WNT2B: variants seen among roughly 807,000 people sequenced by gnomAD.
WNT2B encodes the protein Wnt family member 2B.
Under a neutral mutation model 40.5 loss-of-function variants are expected in WNT2B, and 19 were observed. That is an observed-to-expected ratio of 0.47 (90% CI 0.33 to 0.69). The LOEUF (loss-of-function observed/expected upper bound fraction) is 0.69. Ranked by LOEUF, WNT2B falls within the 30% of genes least tolerant of loss-of-function variation. The pLI is 0.02. For synonymous variants in WNT2B, 220 were observed against 211.9 expected, an observed-to-expected ratio of 1.04 and a Z score of -0.33; for missense variants, 467 against 556.4, an observed-to-expected ratio of 0.84 and a Z score of 1.62.
Position 112,517,185 on chromosome 1 carries a change from G to T in WNT2B, c.746G>T (p.Arg249Leu), listed in dbSNP as rs1311791858. 1 of 1,614,200 alleles carries T rather than the reference G, an allele frequency of 6.2e-7. No homozygotes were observed. Residue 249 changes from arginine to leucine, a missense_variant, in exon 4 of 5, where the codon CGC becomes CTC. Around this residue, in one of 2 missense-constraint regions of WNT2B, gnomAD observed 330 missense variants for 438.6 expected, o/e 0.75. Coordinates refer to ENST00000369684, the MANE Select transcript of WNT2B (RefSeq NM_024494.3). ...GGCGTGAGTGGTTCCTGTACTCTGC[G>T]CACCTGCTGGCGTGCACTCTCAGAT... ...CHGVSGSCTL[R>L]TCWRALSDFR... is the part of the protein sequence containing the mutation.
intron 1 of WNT2B, among the ~76,000 whole-genome samples, chr1:112,476,931 G>A (rs1414873500): frequency 6.6e-6 from 1 of 152,158 alleles, no homozygotes; most frequent in African/African-American, 2.4e-5. Flanking sequence ...ACTGCCATGG[G>A]CACACCTGTA....
At chr1:112,507,705 A>T (rs1342268107), upstream of WNT2B, among the ~76,000 whole-genome samples, 1 of 152,166 alleles carries the variant, frequency 6.6e-6, no homozygotes, top group African/African-American at 2.4e-5. Flanking sequence ...GTGAATTTGG[A>T]GTTGGGGGCA....
At chr1:112,467,168 G>C in exon 1 of WNT2B, 1 of 253,988 alleles carries the variant, frequency 3.9e-6, no homozygotes, top group East Asian at 1.0e-4. Context: ...AATGAGGATA[G>C]CATATACAGT....
chr1:112,487,879 A>G (rs1651465622), intron 1 of WNT2B, among the ~76,000 whole-genome samples: 1 of 144,292 alleles, frequency 6.9e-6, no homozygotes, highest in Non-Finnish European at 1.5e-5. Flanking sequence ...GGTTGCAATG[A>G]GCCGAGATTG....
chr1:112,517,221 C>T lies in WNT2B; in HGVS notation c.782C>T (p.Thr261Ile). Residue 261 changes from threonine (T) to isoleucine (I), a missense_variant, in exon 4 of 5, where the codon ACA (threonine) becomes ATA (isoleucine). This residue lies in a region of WNT2B where 330 missense variants were observed against 438.6 expected (regional missense o/e 0.75). Coordinates refer to ENST00000369684, the MANE Select transcript of WNT2B (RefSeq NM_024494.3). The stretch of plus-strand genomic sequence containing the variant: ...CGTGCACTCTCAGATTTCCGCCGCA[C>T]AGGTGATTACCTGCGGCGACGCTAT... The part of the protein sequence containing the change: ...CWRALSDFRR[T>I]GDYLRRRYDG... The T allele has an allele frequency of 1.2e-6, 2 of 1,614,216 alleles. No homozygotes were observed. The highest frequency in any genetic ancestry group is 8.5e-7 in the Non-Finnish European group (1 of 1,180,044).
In WNT2B at chr1:112,520,588, T is replaced by C; in HGVS notation, c.*79T>C. 7.3e-7 allele frequency: 1 copy of C among 1,374,896 alleles called. No homozygotes were observed. Among genetic ancestry groups the C allele is most frequent in the Non-Finnish European group, 1.0e-6 (1 of 988,472 alleles). 85.2% of individuals were successfully genotyped at this position (1,374,896 alleles called of 1,614,324 possible). ...CAAGATCCTTGCATGCACACCTTCCTCCACCCTCCACCCTGGGCTGCTACC... is the reference window on the plus strand; with the variant it reads ...CAAGATCCTTGCATGCACACCTTCCCCCACCCTCCACCCTGGGCTGCTACC... On this transcript the variant is annotated 3_prime_UTR_variant, in exon 5 of 5. Coordinates refer to ENST00000369684, the MANE Select transcript of WNT2B (RefSeq NM_024494.3).
chr1:112,525,962 T>A lies in WNT2B; in HGVS notation c.*5453T>A. Reference sequence around the variant, plus strand: ...GGGGTTACTGTCACTTTACAGATGCTGTTCAGAAAAATTTGGTGATTTGTC... The same window carrying A: ...GGGGTTACTGTCACTTTACAGATGCAGTTCAGAAAAATTTGGTGATTTGTC... On this transcript the variant is annotated 3_prime_UTR_variant, in exon 5 of 5. Coordinates refer to ENST00000369684, the MANE Select transcript of WNT2B (RefSeq NM_024494.3). The A allele has an allele frequency of 6.2e-7, 1 of 1,610,638 alleles. No individual in the cohort carries two copies. The highest frequency in any genetic ancestry group is 8.5e-7 in the Non-Finnish European group (1 of 1,177,366).
At position 112,526,317 on chromosome 1, in the gene WNT2B, G is replaced by T; in HGVS notation, c.*5808G>T. 1 of 508,188 alleles carries T rather than the reference G, an allele frequency of 2.0e-6. No individual in the cohort carries two copies. Among genetic ancestry groups the T allele is most frequent in the Admixed American group, 3.4e-5 (1 of 29,224 alleles). The allele number at this position is 508,188 out of a possible 1,614,324, so 31.5% of individuals were successfully genotyped here. A position where few individuals can be genotyped will look rare whatever the true frequency, so the allele number is the denominator to read the frequency against. Reference sequence around the variant, plus strand: ...CATATTCCACATTTAAACAACTCTGGCTCCTAATTCTACTCCTTTTTTCCC... The same window carrying T: ...CATATTCCACATTTAAACAACTCTGTCTCCTAATTCTACTCCTTTTTTCCC... On this transcript the variant is annotated 3_prime_UTR_variant, in exon 5 of 5. Coordinates refer to ENST00000369684, the MANE Select transcript of WNT2B (RefSeq NM_024494.3).
At chr1:112,495,060 T>C (rs1186234338) in intron 1 of WNT2B, among the ~76,000 whole-genome samples, 1 of 151,488 alleles carries the variant, frequency 6.6e-6, no homozygotes, top group Non-Finnish European at 1.5e-5. Flanking sequence ...TGAAGCAGTA[T>C]AGTATTATTT....
chr1:112,471,319 C>G (rs529732650), intron 1 of WNT2B, among the ~76,000 whole-genome samples: 34 of 152,322 alleles, frequency 2.2e-4, no homozygotes, highest in African/African-American at 7.7e-4. Context: ...AGGACTGCAG[C>G]AGTCTGCAGC....
chr1:112,498,885 G>A (rs530402350), intron 1 of WNT2B, among the ~76,000 whole-genome samples: 10 of 152,104 alleles, frequency 6.6e-5, no homozygotes, highest in South Asian at 6.2e-4. Context: ...CTTCAAAACC[G>A]TTCCAGCCTC....
In WNT2B at chr1:112,520,492, T is replaced by A. The variant is rs759825299; in HGVS notation, c.1159T>A (p.Trp387Arg). 2.5e-6 allele frequency: 4 copies of A among 1,613,746 alleles called. No individual in the cohort carries two copies. In the African/African-American group the frequency reaches 4.0e-5, roughly 16 times the overall value. ...TTGCAAAGCCCCCAAGAAGGCAGAG[T>A]GGCTGGACCAAACCTGAACACACAG... ...HTCKAPKKAEWLDQT is the reference protein window; with the variant it reads ...HTCKAPKKAERLDQT Residue 387 changes from tryptophan (W) to arginine (R), a missense_variant, in exon 5 of 5, where the codon TGG (tryptophan) becomes AGG (arginine). Coordinates refer to ENST00000369684, the MANE Select transcript of WNT2B (RefSeq NM_024494.3).
chr1:112,491,181 G>C, intron 1 of WNT2B: 1 of 1,176,904 alleles, frequency 8.5e-7, no homozygotes, highest in Non-Finnish European at 1.2e-6. Flanking sequence ...AGGCTGAGGC[G>C]GGTGGATCAC....
rs1164387870 is a variant in WNT2B at position 112,522,955 on chromosome 1, G to T, written c.*2446G>T. ...AGCTTTGGGGTAGTGGAGAGGTAAG[G>T]GGGTCATGGTCAGTCTGAACTCAAC... On this transcript the variant is annotated 3_prime_UTR_variant, in exon 5 of 5. Coordinates refer to ENST00000369684, the MANE Select transcript of WNT2B (RefSeq NM_024494.3). 3 of 152,210 alleles carry T rather than the reference G, an allele frequency of 2.0e-5. No homozygotes were observed. Among genetic ancestry groups the T allele is most frequent in the Non-Finnish European group, 4.4e-5 (3 of 68,078 alleles). 9.4% of individuals were successfully genotyped at this position (152,210 alleles called of 1,614,324 possible). A position where few individuals can be genotyped will look rare whatever the true frequency, so the allele number is the denominator to read the frequency against.
intron 1 of WNT2B, among the ~76,000 whole-genome samples, chr1:112,488,765 A>G (rs1002715979): frequency 2.6e-5 from 4 of 152,106 alleles, no homozygotes; most frequent in African/African-American, 9.6e-5. Flanking sequence ...CATGTTAACC[A>G]GGATGGTCTC....
At chr1:112,511,310 A>G (rs769329347) in intron 1 of WNT2B, among the ~76,000 whole-genome samples, 1 of 152,202 alleles carries the variant, frequency 6.6e-6, no homozygotes, top group Non-Finnish European at 1.5e-5. Flanking sequence ...GAAGGCTGCA[A>G]CAGGGCCAGG....
intron 1 of WNT2B, among the ~76,000 whole-genome samples, chr1:112,512,025 A>G (rs1447844821): frequency 6.6e-6 from 1 of 152,108 alleles, no homozygotes; most frequent in Non-Finnish European, 1.5e-5. Flanking sequence ...TCAAAGTTCT[A>G]TATGTGCTGG....
chr1:112,522,871 A>G lies in WNT2B; in HGVS notation c.*2362A>G, dbSNP rs535498843. ...AGTCAACTGGATAACTGATGAGCCA[A>G]TGGTGGGATTAAGGAGGGGGAAATG... On this transcript the variant is annotated 3_prime_UTR_variant, in exon 5 of 5. Transcript: ENST00000369684. 2.6e-5 allele frequency: 4 copies of G among 152,384 alleles called. No individual in the cohort carries two copies. Among genetic ancestry groups the G allele is most frequent in the East Asian group, 1.9e-4 (1 of 5,180 alleles). 9.4% of individuals were successfully genotyped at this position (152,384 alleles called of 1,614,324 possible).
intron 1 of WNT2B, among the ~76,000 whole-genome samples, chr1:112,498,063 T>C (rs1651832671): frequency 6.6e-6 from 1 of 151,970 alleles, no homozygotes; most frequent in Non-Finnish European, 1.5e-5. Context: ...GTCCTAACGA[T>C]CTCTGTCCCC....
Sources: allele counts gnomAD v4.1 joint callset (sites outside exome capture counted in the v4.1 genomes callset), GRCh38; gene constraint gnomAD v4.1.1; regional missense constraint gnomAD v4.1.1; transcripts MANE v1.5; gene names NCBI Gene and HGNC (gene_info 2026-07-23, HGNC 2026-07-21).